Variants in MYO16 observed in about 807,000 individuals in gnomAD.
The protein encoded by MYO16 is myosin XVI, also known as unconventional myosin-XVI.
In MYO16, 94 loss-of-function variants were observed where a neutral mutation model predicts 205.3. The ratio of observed to expected loss-of-function variants is 0.46; its 90% CI spans 0.39 to 0.54. The LOEUF is 0.54. Among genes scored for constraint, MYO16 ranks in the 20% least tolerant of loss-of-function variants. The pLI is 0.00. For synonymous variants in MYO16, 988 were observed against 954.0 expected, an observed-to-expected ratio of 1.04 and a Z score of -0.66; for missense variants, 2,315 against 2,387.5, an observed-to-expected ratio of 0.97 and a Z score of 0.63.
rs115876633 is a variant in MYO16, at chr13:108,726,960, G to A, written c.364-480G>A. 5.3e-3 allele frequency among the ~76,000 whole-genome samples: 804 copies of A among 151,170 alleles called. 6 individuals carry two copies. Among genetic ancestry groups the A allele is most frequent in the African/African-American group, 0.018 (748 of 41,112 alleles). ...TGACTAGGGTGAAGGTTACAGATGG[G>A]AATGTTGAGGGATTAAGTTAGAGGG... On this transcript the variant is annotated intron_variant, in intron 3 of 34. Transcript: ENST00000457511.
intron 16 of MYO16, among the ~76,000 whole-genome samples, chr13:108,924,689 C>CA (rs557967993): frequency 1.2e-3 from 177 of 152,240 alleles, no homozygotes; most frequent in African/African-American, 4.0e-3. Context: ...CCTTGTTATA[C>CA]AAAGGAAGAC....
At chr13:108,604,365 C>A (rs1197791888) in intron 1 of MYO16, among the ~76,000 whole-genome samples, 2 of 152,012 alleles carry the variant, frequency 1.3e-5, no homozygotes, top group Non-Finnish European at 2.9e-5. Context: ...TTGGGAAGGC[C>A]AGGCAAGGAC....
chr13:108,796,336 A>C (rs1000093398), intron 6 of MYO16, among the ~76,000 whole-genome samples: 4 of 152,196 alleles, frequency 2.6e-5, no homozygotes, highest in African/African-American at 9.7e-5. Flanking sequence ...AAACTAGTTC[A>C]ACCATTGTGG....
In MYO16 at chr13:109,055,746, T is replaced by C. The variant is rs142681637; in HGVS notation, c.3335+151T>C. 2.3e-3 allele frequency: 1,511 copies of C among 649,036 alleles called. 4 individuals carry two copies. The highest frequency in any genetic ancestry group is 7.3e-3 in the Middle Eastern group (17 of 2,342). The allele number at this position is 649,036 out of a possible 1,614,324, so 40.2% of individuals were successfully genotyped here. A position where few individuals can be genotyped will look rare whatever the true frequency, so the allele number is the denominator to read the frequency against. On this transcript the variant is annotated intron_variant, in intron 27 of 34. Transcript: ENST00000457511. This position sits in a 1 kb window ranked among gnomAD's most constrained non-coding sequence, Gnocchi z 5.0. ...TCTATCTCCAATAAACAAAATATTC[T>C]GGGAAACAATGAAATACACTGACAA...
At chr13:109,011,716 T>C (rs912168075) in intron 22 of MYO16, among the ~76,000 whole-genome samples, 5 of 151,968 alleles carry the variant, frequency 3.3e-5, no homozygotes, top group African/African-American at 1.2e-4. Context: ...GGTTTCACCA[T>C]GTTGGCCAGG....
At chr13:109,106,810 A>T (rs979600191) in intron 28 of MYO16, among the ~76,000 whole-genome samples, 2 of 152,172 alleles carry the variant, frequency 1.3e-5, no homozygotes, top group African/African-American at 4.8e-5. Flanking sequence ...CTGATAGTTC[A>T]AGAAGATGTC....
chr13:108,661,631 T>C (rs555060125), intron 1 of MYO16, among the ~76,000 whole-genome samples: 2 of 152,294 alleles, frequency 1.3e-5, no homozygotes, highest in South Asian at 2.1e-4. Flanking sequence ...GTTTCCCAAA[T>C]GTTTGATTGT....
intron 9 of MYO16, among the ~76,000 whole-genome samples, chr13:108,824,994 C>G (rs933246192): frequency 6.6e-6 from 1 of 152,010 alleles, no homozygotes. Context: ...AGAATTAACG[C>G]CAATCTGTCA....
chr13:108,669,740 G>T (rs888561995), intron 2 of MYO16, among the ~76,000 whole-genome samples: 1 of 152,090 alleles, frequency 6.6e-6, no homozygotes, highest in African/African-American at 2.4e-5. Context: ...ATACTATGCA[G>T]CCAGAAAATA....
intron 33 of MYO16, among the ~76,000 whole-genome samples, chr13:109,173,425 A>C (rs1453543679): frequency 1.3e-5 from 2 of 152,192 alleles, no homozygotes; most frequent in African/African-American, 4.8e-5. Flanking sequence ...TTCATAGAGA[A>C]GGTTGGGATT....
the MYO16 span, among the ~76,000 whole-genome samples, chr13:108,534,690 C>G: frequency 2.6e-5 from 4 of 151,944 alleles, no homozygotes; most frequent in African/African-American, 9.7e-5. Flanking sequence ...CTGTAGCCAA[C>G]TAATCTCTAT....
intron 2 of MYO16, among the ~76,000 whole-genome samples, chr13:108,701,501 C>T (rs1300683850): frequency 6.6e-6 from 1 of 152,108 alleles, no homozygotes; most frequent in African/African-American, 2.4e-5. Context: ...CAAGAAAGTT[C>T]TCACAATATG....
chr13:108,988,858 T>C (rs944152026), intron 20 of MYO16, among the ~76,000 whole-genome samples: 2 of 152,168 alleles, frequency 1.3e-5, no homozygotes, highest in African/African-American at 2.4e-5. Context: ...GCATCTGTGC[T>C]CGGGACCAGC....
At position 109,207,770 on chromosome 13, in the gene MYO16, T is replaced by C. The variant is rs1266699655; in HGVS notation, c.*934T>C. The C allele has an allele frequency of 6.6e-6, 1 of 152,284 alleles. No homozygotes were observed. The allele number at this position is 152,284 out of a possible 1,614,324, so 9.4% of individuals were successfully genotyped here. On this transcript the variant is annotated 3_prime_UTR_variant, in exon 35 of 35. Coordinates refer to ENST00000457511, the MANE Select transcript of MYO16 (RefSeq NM_001198950.3). ...CGCTGCCATGTACTGGTTTGAGCAGTAGGGGCTGCATCGCACAGCGCTCGT... is the reference window on the plus strand; with the variant it reads ...CGCTGCCATGTACTGGTTTGAGCAGCAGGGGCTGCATCGCACAGCGCTCGT...
intron 28 of MYO16, among the ~76,000 whole-genome samples, chr13:109,119,092 T>C (rs113524192): frequency 0.011 from 1,686 of 152,258 alleles, 15 homozygotes; most frequent in Non-Finnish European, 0.017. Context: ...AAGAGTTAGG[T>C]GGAAAGGGGC....
At chr13:108,714,090 T>G (rs1883830027) in intron 3 of MYO16, among the ~76,000 whole-genome samples, 1 of 152,170 alleles carries the variant, frequency 6.6e-6, no homozygotes, top group South Asian at 2.1e-4. Context: ...AGAGTCTCAC[T>G]CTGTCGCCCA....
At chr13:108,741,893 T>C (rs1006500772) in intron 4 of MYO16, among the ~76,000 whole-genome samples, 3 of 152,230 alleles carry the variant, frequency 2.0e-5, no homozygotes, top group Admixed American at 2.0e-4. Flanking sequence ...ATTTACATCA[T>C]ATTGTTGAAT....
chr13:109,159,866 A>G (rs1397234563), intron 32 of MYO16, among the ~76,000 whole-genome samples: 1 of 152,248 alleles, frequency 6.6e-6, no homozygotes, highest in South Asian at 2.1e-4. Context: ...CTGGGGCCCA[A>G]GGCCAGCAGG....
chr13:108,993,789 G>T lies in MYO16; in HGVS notation c.2442+1341G>T, dbSNP rs575738642. Among the ~76,000 whole-genome samples, 9 of 152,282 alleles carry T rather than the reference G, an allele frequency of 5.9e-5. No homozygotes were observed. The South Asian group carries it at 1.9e-3, about 32-fold the overall frequency. On this transcript the variant is annotated intron_variant, in intron 21 of 34. Coordinates refer to ENST00000457511, the MANE Select transcript of MYO16 (RefSeq NM_001198950.3). Reference sequence around the variant, plus strand: ...ATGACAATATATGTGGGTCTGCAGGGTGCTTAAGAAGGTGCATCTCTCAGC... The same window carrying T: ...ATGACAATATATGTGGGTCTGCAGGTTGCTTAAGAAGGTGCATCTCTCAGC...
Sources: gnomAD v4.1 joint callset for allele counts (sites outside exome capture counted in the v4.1 genomes callset) on GRCh38, gnomAD v4.1.1 for gene constraint, Gnocchi (gnomAD v3.1) non-coding constraint, MANE v1.5 for transcripts, NCBI Gene and HGNC (gene_info 2026-07-23, HGNC 2026-07-21) for gene names.